The following SIL1 variants were observed in gnomAD, a reference collection of about 807,000 sequenced individuals.
SIL1 encodes SIL1 nucleotide exchange factor.
Under a neutral mutation model 49.1 loss-of-function variants are expected in SIL1, and 40 were observed. The ratio of observed to expected loss-of-function variants is 0.81; its 90% CI spans 0.63 to 1.06. The LOEUF is 1.06. Ranked by LOEUF, SIL1 falls within the 50% of genes least tolerant of loss-of-function variation. The probability of loss-of-function intolerance (pLI) is 0.00; values close to 1 mark genes in which losing one functional copy is unlikely to be tolerated. For synonymous variants in SIL1, 253 were observed against 250.8 expected (o/e 1.01, Z -0.08); for missense variants, 500 against 572.6 (o/e 0.87, Z 1.29).
chr5:139,148,504 A>T lies in SIL1; in HGVS notation c.-10-20651T>A, dbSNP rs369496515. Among the ~76,000 whole-genome samples the T allele has an allele frequency of 2.4e-4, 37 of 152,336 alleles. 1 individual carries two copies. In the South Asian group the frequency reaches 7.5e-3, roughly 31 times the overall value. ...ACCAAACCAGATTTGCTGTAAGGGG[A>T]TGACATGCCAGCTACCTGCCCAGGT... is the stretch of plus-strand genomic sequence containing the variant. On this transcript the variant is annotated intron_variant, in intron 1 of 9. Transcript: ENST00000394817.
intron 5 of SIL1, among the ~76,000 whole-genome samples, chr5:139,030,907 T>A (rs1284613687): frequency 6.6e-6 from 1 of 152,230 alleles, no homozygotes; most frequent in African/African-American, 2.4e-5. Context: ...GTTGCTTTAA[T>A]GTCTGGCAAA....
At chr5:139,194,915 A>C (rs1208337055) in intron 1 of SIL1, among the ~76,000 whole-genome samples, 1 of 151,366 alleles carries the variant, frequency 6.6e-6, no homozygotes, top group East Asian at 1.9e-4. Context: ...AAAAGGTACA[A>C]CTTCCTTTCA....
chr5:139,075,381 A>G (rs145009973), intron 3 of SIL1, among the ~76,000 whole-genome samples: 2 of 152,348 alleles, frequency 1.3e-5, no homozygotes, highest in African/African-American at 4.8e-5. Flanking sequence ...ATTAGTCCAA[A>G]CTACTCTATA....
intron 7 of SIL1, among the ~76,000 whole-genome samples, chr5:139,014,424 G>A (rs1021836294): frequency 6.6e-6 from 1 of 151,112 alleles, no homozygotes; most frequent in Admixed American, 6.6e-5. Context: ...TAATAAAGAT[G>A]ATGATAAAAC....
At chr5:139,073,672 T>C (rs1561851811) in intron 3 of SIL1, among the ~76,000 whole-genome samples, 1 of 152,248 alleles carries the variant, frequency 6.6e-6, no homozygotes, top group East Asian at 1.9e-4. Context: ...CTGGGTGCAG[T>C]TGCTCACACC....
At chr5:139,079,178 T>C (rs1194599507) in intron 3 of SIL1, among the ~76,000 whole-genome samples, 2 of 152,214 alleles carry the variant, frequency 1.3e-5, no homozygotes, top group South Asian at 2.1e-4. Context: ...AAAGGGGCTT[T>C]GAGAGGCATG....
At chr5:139,022,172 A>C (rs891613194) in intron 6 of SIL1, 2 of 152,210 alleles carry the variant, frequency 1.3e-5, no homozygotes, top group Admixed American at 6.5e-5. Context: ...TGTTGCCACA[A>C]AGGCTGCATC....
At chr5:139,169,464 GTA>G (rs1751690311) in intron 1 of SIL1, among the ~76,000 whole-genome samples, 1 of 146,208 alleles carries the variant, frequency 6.8e-6, no homozygotes, top group African/African-American at 2.6e-5. Flanking sequence ...ATGTGTGTGT[GTA>G]TATAGATAGA....
At chr5:139,125,089 A>C (rs1750727288) in intron 2 of SIL1, among the ~76,000 whole-genome samples, 1 of 152,264 alleles carries the variant, frequency 6.6e-6, no homozygotes, top group Admixed American at 6.5e-5. Flanking sequence ...GCCAGGTAAG[A>C]AACCATAGTC....
At chr5:139,169,834 C>CTCTCCCTCTCCCCACGG in intron 1 of SIL1, among the ~76,000 whole-genome samples, 1 of 151,712 alleles carries the variant, frequency 6.6e-6, no homozygotes, top group East Asian at 1.9e-4. Flanking sequence ...CCCCTCTCCC[C>CTCTCCCTCTCCCCACGG]TCTCCCTCTC....
intron 1 of SIL1, among the ~76,000 whole-genome samples, chr5:139,159,687 G>A (rs1031403338): frequency 2.0e-5 from 3 of 152,140 alleles, no homozygotes; most frequent in African/African-American, 7.2e-5. Flanking sequence ...ACACAGTTGT[G>A]CTTGTGTGTG....
At chr5:138,997,960 T>C (rs1767906418) in intron 7 of SIL1, among the ~76,000 whole-genome samples, 1 of 152,242 alleles carries the variant, frequency 6.6e-6, no homozygotes, top group Non-Finnish European at 1.5e-5. Context: ...TAGTTCCATG[T>C]AAATTTTAGA....
chr5:139,186,416 C>T (rs1032814029), intron 1 of SIL1, among the ~76,000 whole-genome samples: 11 of 152,170 alleles, frequency 7.2e-5, no homozygotes, highest in Admixed American at 3.3e-4. Context: ...AAACTCCAGC[C>T]TCTACCTAAA....
intron 3 of SIL1, among the ~76,000 whole-genome samples, chr5:139,115,805 T>C (rs576866061): frequency 6.6e-6 from 1 of 152,310 alleles, no homozygotes; most frequent in African/African-American, 2.4e-5. Context: ...AAATTATTAA[T>C]GTCAAACCTG....
chr5:139,049,793 TA>T lies in SIL1; in HGVS notation c.353+1144del, dbSNP rs746363870. Among the ~76,000 whole-genome samples, 733 of 117,568 alleles carry T rather than the reference TA, an allele frequency of 6.2e-3. 1 individual carries two copies. The highest frequency in any genetic ancestry group is 0.014 in the Middle Eastern group (3 of 218). The allele number at this position is 117,568 out of a possible 152,430, so 77.1% of individuals were successfully genotyped here. On this transcript the variant is annotated intron_variant, in intron 4 of 9. Coordinates refer to ENST00000394817, the MANE Select transcript of SIL1 (RefSeq NM_022464.5). The stretch of plus-strand genomic sequence containing the variant: ...AGGCAACAGAGCAAGACCCTATCTC[TA>T]AAAAAAAAAAAAAAAAAATCATCAT...
intron 2 of SIL1, among the ~76,000 whole-genome samples, chr5:139,122,035 G>A (rs923064426): frequency 6.6e-6 from 1 of 152,144 alleles, no homozygotes; most frequent in African/African-American, 2.4e-5. Flanking sequence ...GGAGCTCTGG[G>A]AAATTACATT....
rs1766664399 is a variant in SIL1, at chr5:138,947,573, G to A, written c.1030-100C>T. 2 of 1,061,558 alleles carry A rather than the reference G, an allele frequency of 1.9e-6. No homozygotes were observed. Among genetic ancestry groups the A allele is most frequent in the Non-Finnish European group, 2.9e-6 (2 of 683,186 alleles). The allele number at this position is 1,061,558 out of a possible 1,614,324, so 65.8% of individuals were successfully genotyped here. ...CCTGGCTAGCTCTGCCCTTCAGACA[G>A]GAAGGCACGAGGCTGACCCCTGAGG... On this transcript the variant is annotated intron_variant, in intron 9 of 9. Transcript: ENST00000394817. This position sits in a 1 kb window ranked among gnomAD's most constrained non-coding sequence, Gnocchi z 4.1.
intron 1 of SIL1, among the ~76,000 whole-genome samples, chr5:139,174,665 G>T (rs1457274726): frequency 6.6e-6 from 1 of 151,840 alleles, no homozygotes; most frequent in Non-Finnish European, 1.5e-5. Context: ...ACTGCAGGGT[G>T]AAGTGGCTCA....
At chr5:139,165,628 G>A (rs1348210135) in intron 1 of SIL1, among the ~76,000 whole-genome samples, 2 of 151,760 alleles carry the variant, frequency 1.3e-5, no homozygotes, top group South Asian at 2.1e-4. Context: ...GGGATTACAG[G>A]CCAAACCAAT....
Sources: gnomAD v4.1 joint callset for allele counts (sites outside exome capture counted in the v4.1 genomes callset) on GRCh38, gnomAD v4.1.1 for gene constraint, Gnocchi (gnomAD v3.1) non-coding constraint, MANE v1.5 for transcripts, NCBI Gene and HGNC (gene_info 2026-07-23, HGNC 2026-07-21) for gene names.